NECTIN3: variants seen among roughly 807,000 people sequenced by gnomAD.
NECTIN3 encodes nectin cell adhesion molecule 3, also known as nectin-3.
NECTIN3 carries 8 observed loss-of-function variants against 49.4 expected under a neutral mutation model. That is an observed-to-expected ratio of 0.16 (90% CI 0.10 to 0.29). NECTIN3 has a LOEUF of 0.29. Ranked by LOEUF, NECTIN3 falls within the 10% of genes least tolerant of loss-of-function variation. The pLI, the probability that NECTIN3 is intolerant of heterozygous loss-of-function variation, is 1.00. For synonymous variants in NECTIN3, 277 were observed against 241.1 expected (o/e 1.15, Z -1.38); for missense variants, 581 against 654.6 (o/e 0.89, Z 1.23).
At chr3:111,109,517 T>G (rs1290931092) in intron 1 of NECTIN3, among the ~76,000 whole-genome samples, 5 of 152,082 alleles carry the variant, frequency 3.3e-5, no homozygotes, top group Non-Finnish European at 7.4e-5. Flanking sequence ...TCTAGGGTTT[T>G]TTTTTCTTTT....
chr3:111,183,384 TC>T (rs1388757372), intron 7 of NECTIN3, among the ~76,000 whole-genome samples: 1 of 152,064 alleles, frequency 6.6e-6, no homozygotes, highest in Non-Finnish European at 1.5e-5. Flanking sequence ...TGGTCTCAGT[TC>T]ACTGCAACCT....
chr3:111,158,603 A>G lies in NECTIN3; in HGVS notation c.1221+11119A>G, dbSNP rs569221429. Among the ~76,000 whole-genome samples the G allele has an allele frequency of 4.6e-5, 7 of 152,290 alleles. No individual in the cohort carries two copies. The East Asian group carries it at 1.4e-3, about 29-fold the overall frequency. On this transcript the variant is annotated intron_variant, in intron 7 of 8. Transcript: ENST00000493615. ...CGATATTTAAGAAAAGGTAGTTACA[A>G]AGTTGAATAATTTTACTATGGTTAT...
chr3:111,072,450 C>T (rs1170714546), intron 1 of NECTIN3: 13 of 1,534,796 alleles, frequency 8.5e-6, no homozygotes, highest in Non-Finnish European at 1.1e-5. Context: ...GTGCTTCGTG[C>T]GCCGAACTCC....
chr3:111,189,744 G>T (rs2107537897), upstream of NECTIN3, among the ~76,000 whole-genome samples: 1 of 152,324 alleles, frequency 6.6e-6, no homozygotes, highest in South Asian at 2.1e-4. Flanking sequence ...AAAATGCTGG[G>T]CCCCATGTTC....
chr3:111,114,385 G>C (rs2033601754), intron 2 of NECTIN3, among the ~76,000 whole-genome samples: 1 of 151,910 alleles, frequency 6.6e-6, no homozygotes, highest in Admixed American at 6.6e-5. Flanking sequence ...CCCCAAATCT[G>C]ATACTTTTTT....
chr3:111,144,579 A>G (rs1293559689), intron 5 of NECTIN3, among the ~76,000 whole-genome samples: 1 of 152,036 alleles, frequency 6.6e-6, no homozygotes, highest in Non-Finnish European at 1.5e-5. Flanking sequence ...TTTAGAGTAC[A>G]AACTTAAAAT....
upstream of NECTIN3, chr3:111,192,319 T>C: frequency 1.3e-6 from 2 of 1,520,136 alleles, no homozygotes; most frequent in Non-Finnish European, 8.8e-7. Context: ...CCATGTGTTT[T>C]ACAGTGCACA....
chr3:111,134,364 A>C lies in NECTIN3; in HGVS notation c.*149A>C, dbSNP rs2034503450. On this transcript the variant is annotated 3_prime_UTR_variant, in exon 6 of 6. Coordinates refer to ENST00000485303, the MANE Select transcript of NECTIN3 (RefSeq NM_015480.3). Reference sequence around the variant, plus strand: ...TTATATTCTAATCTGACAAATGAAAATGTAAAATCTGAGTTCAGTGTATCT... The same window carrying C: ...TTATATTCTAATCTGACAAATGAAACTGTAAAATCTGAGTTCAGTGTATCT... 1.4e-6 allele frequency: 2 copies of C among 1,399,706 alleles called. No individual in the cohort carries two copies. The highest frequency in any genetic ancestry group is 1.9e-6 in the Non-Finnish European group (2 of 1,081,032). 86.7% of individuals were successfully genotyped at this position (1,399,706 alleles called of 1,614,324 possible). A position where few individuals can be genotyped will look rare whatever the true frequency, so the allele number is the denominator to read the frequency against.
chr3:111,129,041 A>G lies in NECTIN3; in HGVS notation c.1069+2706A>G, dbSNP rs1195285198. Among the ~76,000 whole-genome samples, 4 of 152,250 alleles carry G rather than the reference A, an allele frequency of 2.6e-5. No homozygotes were observed. In the East Asian group the frequency reaches 7.7e-4, roughly 29 times the overall value. Reference sequence around the variant, plus strand: ...ATTTCATTTCTTATATGTTTTGCTCATTGGCTGAGTCACTACTGGACTCCT... The same window carrying G: ...ATTTCATTTCTTATATGTTTTGCTCGTTGGCTGAGTCACTACTGGACTCCT... On this transcript the variant is annotated intron_variant, in intron 5 of 5. Coordinates refer to ENST00000485303, the MANE Select transcript of NECTIN3 (RefSeq NM_015480.3).
At chr3:111,075,598 T>C (rs1032151083) in intron 1 of NECTIN3, among the ~76,000 whole-genome samples, 1 of 152,170 alleles carries the variant, frequency 6.6e-6, no homozygotes, top group Non-Finnish European at 1.5e-5. Flanking sequence ...TCTTAAATTC[T>C]ACACCAATGT....
chr3:111,176,229 T>C (rs1702560895), intron 7 of NECTIN3, among the ~76,000 whole-genome samples: 1 of 152,236 alleles, frequency 6.6e-6, no homozygotes, highest in African/African-American at 2.4e-5. Context: ...ATAGTGACAC[T>C]GTAGGGTGCA....
At chr3:111,174,837 C>A (rs57043424) in intron 7 of NECTIN3, among the ~76,000 whole-genome samples, 21,201 of 152,116 alleles carry the variant, frequency 0.14, 3,152 homozygotes, top group African/African-American at 0.38. Context: ...TGAGTGTTAA[C>A]CAGCTCAGTG....
intron 7 of NECTIN3, among the ~76,000 whole-genome samples, chr3:111,158,832 A>G (rs2107518169): frequency 6.6e-6 from 1 of 152,338 alleles, no homozygotes; most frequent in South Asian, 2.1e-4. Flanking sequence ...CAAAATTTGC[A>G]ACAGCTGTAT....
chr3:111,072,437 A>G, intron 1 of NECTIN3: 1 of 1,533,974 alleles, frequency 6.5e-7, no homozygotes, highest in Non-Finnish European at 8.7e-7. Context: ...AGGGTTGGCG[A>G]TGGTGCTTCG....
chr3:111,077,886 A>G (rs368015473), intron 1 of NECTIN3, among the ~76,000 whole-genome samples: 2 of 152,228 alleles, frequency 1.3e-5, no homozygotes, highest in African/African-American at 4.8e-5. Context: ...ATAGAACTAT[A>G]ATGCAAGCCA....
At chr3:111,155,483 A>T (rs2035078557) in intron 7 of NECTIN3, among the ~76,000 whole-genome samples, 1 of 152,208 alleles carries the variant, frequency 6.6e-6, no homozygotes, top group South Asian at 2.1e-4. Flanking sequence ...CTTTCTATAT[A>T]AAAGCACGAT....
intron 7 of NECTIN3, among the ~76,000 whole-genome samples, chr3:111,151,172 T>C (rs536062864): frequency 1.3e-5 from 2 of 152,090 alleles, no homozygotes; most frequent in African/African-American, 4.8e-5. Flanking sequence ...TTTTATGATA[T>C]ACAGCATGCA....
rs1018820402 is a variant in NECTIN3, at chr3:111,071,833, C to A, written c.-185C>A. 5.2e-6 allele frequency: 2 copies of A among 381,874 alleles called. No individual in the cohort carries two copies. Among genetic ancestry groups the A allele is most frequent in the Admixed American group, 4.7e-5 (1 of 21,348 alleles). The allele number at this position is 381,874 out of a possible 1,614,324, so 23.7% of individuals were successfully genotyped here. On this transcript the variant is annotated 5_prime_UTR_variant, in exon 1 of 6. Coordinates refer to ENST00000485303, the MANE Select transcript of NECTIN3 (RefSeq NM_015480.3). ...CCCGCTTCAGCCTCGGCAGTGGCGT[C>A]GGCGACGGCGGTGTCGAGGCAGCCG... is the stretch of plus-strand genomic sequence containing the variant.
intron 1 of NECTIN3, among the ~76,000 whole-genome samples, chr3:111,076,191 A>G (rs946644330): frequency 6.6e-6 from 1 of 152,128 alleles, no homozygotes; most frequent in Admixed American, 6.6e-5. Context: ...TTATATGTGT[A>G]TAGTTAAGGG....
Sources: allele counts gnomAD v4.1 joint callset (sites outside exome capture counted in the v4.1 genomes callset), GRCh38; gene constraint gnomAD v4.1.1; transcripts MANE v1.5; gene names NCBI Gene and HGNC (gene_info 2026-07-23, HGNC 2026-07-21).